The following ERLIN2 variants were observed in gnomAD, a reference collection of about 807,000 sequenced individuals.
ERLIN2 encodes the protein erlin-2.
In ERLIN2, 22 loss-of-function variants were observed where a neutral mutation model predicts 41.5. The ratio of observed to expected loss-of-function variants is 0.53; its 90% CI spans 0.38 to 0.76. ERLIN2 has a LOEUF of 0.76. Ranked by LOEUF, ERLIN2 falls within the 30% of genes least tolerant of loss-of-function variation. The pLI is 0.00. For missense variants in ERLIN2, 247 were observed against 414.3 expected (o/e 0.60, Z 3.51); for synonymous variants, 149 against 150.9 (o/e 0.99, Z 0.09).
intron 6 of ERLIN2, chr8:37,746,554 T>A: frequency 1.0e-6 from 1 of 962,706 alleles, no homozygotes; most frequent in Non-Finnish European, 1.2e-6. Flanking sequence ...CAACAGATCA[T>A]TTTGTTTATC....
At chr8:37,736,964 C>T (rs1802666576) in intron 1 of ERLIN2, 2 of 985,990 alleles carry the variant, frequency 2.0e-6, no homozygotes, top group South Asian at 9.4e-5. Context: ...AGGGCACTGG[C>T]AGGAAAGGAC....
In ERLIN2 at chr8:37,745,872, T is replaced by G. The variant is rs1308322282; in HGVS notation, c.424+1176T>G. 1.0e-5 allele frequency: 13 copies of G among 1,275,374 alleles called. No homozygotes were observed. In the East Asian group the frequency reaches 4.3e-4, roughly 42 times the overall value. 79.0% of individuals were successfully genotyped at this position (1,275,374 alleles called of 1,614,324 possible). A position where few individuals can be genotyped will look rare whatever the true frequency, so the allele number is the denominator to read the frequency against. On this transcript the variant is annotated intron_variant, in intron 6 of 11. Coordinates refer to ENST00000519638, the MANE Select transcript of ERLIN2 (RefSeq NM_007175.8). ...TTTTTAACCTCAAACTAATAGAATT[T>G]TATAAAATATTAATTTTCTCTAGCC... is the stretch of plus-strand genomic sequence containing the variant.
Position 37,755,561 on chromosome 8 carries a change from CACCCCCCA to C in ERLIN2, c.*1447_*1454del, listed in dbSNP as rs1803335896. On this transcript the variant is annotated 3_prime_UTR_variant, in exon 12 of 12. Transcript: ENST00000519638. ...CTGTTATGAGCTGACCCCCACCCCC[CACCCCCCA>C]CCCCCCCCCCCCGCCAACTCCTATA... is the stretch of plus-strand genomic sequence containing the variant. 3.5e-5 allele frequency: 1 copy of C among 28,814 alleles called. No individual in the cohort carries two copies. Among genetic ancestry groups the C allele is most frequent in the African/African-American group, 1.6e-4 (1 of 6,116 alleles). The allele number at this position is 28,814 out of a possible 1,614,324, so 1.8% of individuals were successfully genotyped here. A position where few individuals can be genotyped will look rare whatever the true frequency, so the allele number is the denominator to read the frequency against.
At chr8:37,745,910 C>T in intron 6 of ERLIN2, 1 of 1,169,804 alleles carries the variant, frequency 8.5e-7, no homozygotes, top group Non-Finnish European at 1.1e-6. Context: ...TGTCTTAGGA[C>T]TTGTGACATT....
At position 37,754,376 on chromosome 8, in the gene ERLIN2, C is replaced by A. The variant is rs1803307064; in HGVS notation, c.*261C>A. 4 of 468,872 alleles carry A rather than the reference C, an allele frequency of 8.5e-6. No homozygotes were observed. Among genetic ancestry groups the A allele is most frequent in the South Asian group, 8.4e-5 (4 of 47,774 alleles). 29.0% of individuals were successfully genotyped at this position (468,872 alleles called of 1,614,324 possible). A position where few individuals can be genotyped will look rare whatever the true frequency, so the allele number is the denominator to read the frequency against. ...ATGGGCTTGACCTTTGACCTCTAGACACTAATTTTATCCTTTGAGGCTGGC... is the reference window on the plus strand; with the variant it reads ...ATGGGCTTGACCTTTGACCTCTAGAAACTAATTTTATCCTTTGAGGCTGGC... On this transcript the variant is annotated 3_prime_UTR_variant, in exon 12 of 12. Transcript: ENST00000519638.
chr8:37,754,866 C>G lies in ERLIN2; in HGVS notation c.*751C>G, dbSNP rs946606370. ...TTTTTTTCTTCTCAAAAATTCTGTT[C>G]ATTGGTTCCACTCAGCATCAAGAAG... On this transcript the variant is annotated 3_prime_UTR_variant, in exon 12 of 12. Transcript: ENST00000519638. 2.0e-5 allele frequency: 3 copies of G among 151,500 alleles called. No individual in the cohort carries two copies. Among genetic ancestry groups the G allele is most frequent in the Non-Finnish European group, 4.4e-5 (3 of 68,156 alleles). The allele number at this position is 151,500 out of a possible 1,614,324, so 9.4% of individuals were successfully genotyped here.
In ERLIN2 at chr8:37,756,886, T is replaced by G. The variant is rs1421482033; in HGVS notation, c.*2771T>G. 10 of 152,572 alleles carry G rather than the reference T, an allele frequency of 6.6e-5. No homozygotes were observed. Among genetic ancestry groups the G allele is most frequent in the Non-Finnish European group, 1.5e-4 (10 of 68,024 alleles). The allele number at this position is 152,572 out of a possible 1,614,324, so 9.5% of individuals were successfully genotyped here. The stretch of plus-strand genomic sequence containing the variant: ...TTTTCCAAGGAAAAATCACCTTGGT[T>G]GAATGTTTCTCACTCATTAAACTTT... On this transcript the variant is annotated 3_prime_UTR_variant, in exon 12 of 12. Coordinates refer to ENST00000519638, the MANE Select transcript of ERLIN2 (RefSeq NM_007175.8).
At chr8:37,746,596 CTCCTATGTATCCA>C in intron 6 of ERLIN2, 1 of 890,506 alleles carries the variant, frequency 1.1e-6, no homozygotes, top group Non-Finnish European at 1.3e-6. Context: ...TAATGTATCC[CTCCTATGTATCCA>C]TGCAAGGAAG....
chr8:37,737,019 G>T (rs1802668932), intron 1 of ERLIN2: 1 of 984,458 alleles, frequency 1.0e-6, no homozygotes, highest in African/African-American at 1.7e-5. Context: ...TAAAATAAGC[G>T]CCTCGCAGAT....
chr8:37,750,899 T>G (rs1258583066), intron 9 of ERLIN2, among the ~76,000 whole-genome samples: 2 of 152,098 alleles, frequency 1.3e-5, no homozygotes, highest in Non-Finnish European at 2.9e-5. Flanking sequence ...TTTTGTATTT[T>G]TAGTAGAGAT....
chr8:37,737,977 CTCTT>C lies in ERLIN2; in HGVS notation c.56_59del (p.Leu19ProfsTer7). Reference sequence around the variant, plus strand: ...GGCTTCCAGTTTCTTTTGTGCATCTCTCTTCTCAGCTGTGCACAAGATAGAAGAG... The same window carrying C: ...GGCTTCCAGTTTCTTTTGTGCATCTCCTCAGCTGTGCACAAGATAGAAGAG... On this transcript the variant is annotated frameshift_variant, in exon 2 of 12. Transcript: ENST00000519638. LOFTEE classifies it high-confidence loss of function. The C allele has an allele frequency of 6.2e-7, 1 of 1,614,132 alleles. No individual in the cohort carries two copies. The highest frequency in any genetic ancestry group is 8.5e-7 in the Non-Finnish European group (1 of 1,179,990).
Position 37,754,084 on chromosome 8 carries a change from A to T in ERLIN2, c.989A>T (p.Glu330Val). ...ADKLSFGLED[E>V]PLETATKEN ...AAGCTAAGCTTTGGCTTAGAAGATGAACCCTTGGAGACGGCCACTAAGGAG... is the reference window on the plus strand; with the variant it reads ...AAGCTAAGCTTTGGCTTAGAAGATGTACCCTTGGAGACGGCCACTAAGGAG... The change falls in exon 12 of 12, where the codon GAA (glutamate) becomes GTA (valine). Residue 330 changes from glutamate to valine, a missense_variant. Glu to Val is a moderately radical substitution (Grantham distance 121). Transcript: ENST00000519638. 6.2e-7 allele frequency: 1 copy of T among 1,614,168 alleles called. No individual in the cohort carries two copies. Among genetic ancestry groups the T allele is most frequent in the Non-Finnish European group, 8.5e-7 (1 of 1,180,008 alleles).
chr8:37,746,092 G>T, intron 6 of ERLIN2: 1 of 993,304 alleles, frequency 1.0e-6, no homozygotes, highest in Non-Finnish European at 1.2e-6. Flanking sequence ...AAATATATTT[G>T]CTTTGAAACT....
Position 37,739,795 on chromosome 8 carries a change from G to T in ERLIN2, c.108-570G>T, listed in dbSNP as rs1489540596. 4.0e-5 allele frequency among the ~76,000 whole-genome samples: 6 copies of T among 151,216 alleles called. No individual in the cohort carries two copies. In the South Asian group the frequency reaches 1.3e-3, roughly 32 times the overall value. ...TTTCTCTTATCTAAGTATACCCATG[G>T]ATTCTGCTGTCTTTTTCTTTTTTTT... On this transcript the variant is annotated intron_variant, in intron 2 of 11. Transcript: ENST00000519638.
At chr8:37,745,437 C>T in intron 6 of ERLIN2, 1 of 875,786 alleles carries the variant, frequency 1.1e-6, no homozygotes, top group South Asian at 1.5e-5. Flanking sequence ...AAAGGAAGGA[C>T]ACAGTTGGGT....
Position 37,754,157 on chromosome 8 carries a change from T to G in ERLIN2, c.*42T>G. On this transcript the variant is annotated 3_prime_UTR_variant, in exon 12 of 12. Coordinates refer to ENST00000519638, the MANE Select transcript of ERLIN2 (RefSeq NM_007175.8). ...CTGCAAATGATACTTAAGCAGATCTTTATTTTTTAAGATGAATCAGAATGT... is the reference window on the plus strand; with the variant it reads ...CTGCAAATGATACTTAAGCAGATCTGTATTTTTTAAGATGAATCAGAATGT... 7.1e-7 allele frequency: 1 copy of G among 1,411,088 alleles called. No individual in the cohort carries two copies. The highest frequency in any genetic ancestry group is 1.2e-5 in the South Asian group (1 of 85,410). The allele number at this position is 1,411,088 out of a possible 1,614,324, so 87.4% of individuals were successfully genotyped here. A position where few individuals can be genotyped will look rare whatever the true frequency, so the allele number is the denominator to read the frequency against.
intron 4 of ERLIN2, among the ~76,000 whole-genome samples, chr8:37,742,319 G>A (rs573211598): frequency 1.1e-4 from 16 of 148,252 alleles, no homozygotes; most frequent in South Asian, 4.2e-4. Context: ...CCAGCCTGGC[G>A]ACAGAGTGAG....
intron 6 of ERLIN2, chr8:37,748,068 G>T: frequency 2.2e-6 from 3 of 1,373,670 alleles, no homozygotes; most frequent in Non-Finnish European, 3.1e-6. Flanking sequence ...ATGACGTCAC[G>T]AGCGCGCCTT....
chr8:37,750,504 T>A lies in ERLIN2; in HGVS notation c.649+18T>A, dbSNP rs370870168. 6.3e-7 allele frequency: 1 copy of A among 1,599,890 alleles called. No homozygotes were observed. The highest frequency in any genetic ancestry group is 8.6e-7 in the Non-Finnish European group (1 of 1,168,622). ...GCTCATTGGTCTGAATGTGGTTCTG[T>A]GATCCCCCTTTCCAGGCAGAAAGGC... On this transcript the variant is annotated intron_variant, in intron 9 of 11. Transcript: ENST00000519638.
Sources: allele counts gnomAD v4.1 joint callset (sites outside exome capture counted in the v4.1 genomes callset), GRCh38; gene constraint gnomAD v4.1.1; transcripts MANE v1.5; gene names NCBI Gene and HGNC (gene_info 2026-07-23, HGNC 2026-07-21).